Variants in PAX7 observed in about 807,000 individuals in gnomAD.
PAX7 encodes the protein paired box protein Pax-7.
In PAX7, 18 loss-of-function variants were observed where a neutral mutation model predicts 50.7. That is an observed-to-expected ratio of 0.36 (90% confidence interval 0.25 to 0.53). The LOEUF is 0.53. Ranked by LOEUF, PAX7 falls within the 20% of genes least tolerant of loss-of-function variation. The probability of loss-of-function intolerance (pLI) is 0.93; values close to 1 mark genes in which losing one functional copy is unlikely to be tolerated. For missense variants in PAX7, 644 were observed against 702.9 expected, an observed-to-expected ratio of 0.92 and a Z score of 0.95; for synonymous variants, 310 against 290.4, an observed-to-expected ratio of 1.07 and a Z score of -0.69.
chr1:18,732,613 G>T (rs1334458523), intron 7 of PAX7, among the ~76,000 whole-genome samples: 1 of 152,240 alleles, frequency 6.6e-6, no homozygotes, highest in African/African-American at 2.4e-5. Context: ...AGGGTAGAAA[G>T]GGGTGAAAGG....
chr1:18,635,912 C>T (rs1356171872), intron 3 of PAX7, among the ~76,000 whole-genome samples: 1 of 151,850 alleles, frequency 6.6e-6, no homozygotes, highest in African/African-American at 2.4e-5. Context: ...GGAGAGACTC[C>T]AGAGAGGCCC....
chr1:18,681,939 T>C (rs985413001), intron 4 of PAX7, among the ~76,000 whole-genome samples: 1 of 152,030 alleles, frequency 6.6e-6, no homozygotes, highest in Non-Finnish European at 1.5e-5. Flanking sequence ...GGTTTCACCA[T>C]GTTGGTCAGG....
intron 4 of PAX7, among the ~76,000 whole-genome samples, chr1:18,661,885 G>A (rs962352568): frequency 3.3e-5 from 5 of 152,224 alleles, no homozygotes; most frequent in East Asian, 1.9e-4. Flanking sequence ...GAAGTTAAGC[G>A]GCTGCCTGTT....
intron 4 of PAX7, among the ~76,000 whole-genome samples, chr1:18,667,063 A>G (rs1283843835): frequency 6.6e-6 from 1 of 152,104 alleles, no homozygotes; most frequent in Non-Finnish European, 1.5e-5. Flanking sequence ...AAGTTTGGAC[A>G]GTTCTTCGTT....
chr1:18,703,370 G>C (rs758958655), intron 7 of PAX7, 74 bp downstream of exon 7: 62 of 1,346,982 alleles, frequency 4.6e-5, no homozygotes, highest in Non-Finnish European at 5.9e-5. Flanking sequence ...CACGTGGGTG[G>C]AAGCCTTGCG....
Position 18,735,996 on chromosome 1 carries a change from A to C in PAX7, c.1402+118A>C. ...TCAGGGTGGGGAATGTCCATTTCAC[A>C]GATGGAAAAATTGAAGTCCAGCCAG... On this transcript the variant is annotated intron_variant, in intron 8 of 8. Coordinates refer to ENST00000420770, the MANE Select transcript of PAX7 (RefSeq NM_001135254.2). This position sits in a 1 kb window ranked among gnomAD's most constrained non-coding sequence, Gnocchi z 4.0. 2 of 1,610,044 alleles carry C rather than the reference A, an allele frequency of 1.2e-6. No homozygotes were observed. The highest frequency in any genetic ancestry group is 1.7e-6 in the Non-Finnish European group (2 of 1,177,458).
In PAX7 at chr1:18,631,106, G is replaced by A. The variant is rs1002378698; in HGVS notation, c.-498G>A. The stretch of plus-strand genomic sequence containing the variant: ...AGAGAATAAATATATAAATAAATAC[G>A]AGAACGAAATCCACTCCGCAGTCTC... On this transcript the variant is annotated 5_prime_UTR_variant, in exon 1 of 9. Coordinates refer to ENST00000420770, the MANE Select transcript of PAX7 (RefSeq NM_001135254.2). 4.4e-6 allele frequency: 1 copy of A among 228,776 alleles called. No homozygotes were observed. The allele number at this position is 228,776 out of a possible 1,614,324, so 14.2% of individuals were successfully genotyped here. A position where few individuals can be genotyped will look rare whatever the true frequency, so the allele number is the denominator to read the frequency against.
intron 4 of PAX7, among the ~76,000 whole-genome samples, chr1:18,680,044 A>G (rs1010125178): frequency 6.6e-6 from 1 of 151,926 alleles, no homozygotes; most frequent in Non-Finnish European, 1.5e-5. Flanking sequence ...GTGCATGACA[A>G]CTCTGTGGGG....
At chr1:18,736,128 C>T (rs2100407502) in intron 8 of PAX7, 1 of 653,300 alleles carries the variant, frequency 1.5e-6, no homozygotes, top group Non-Finnish European at 2.7e-6. Context: ...AAATACACAA[C>T]ACAAATATCA....
chr1:18,695,966 C>T (rs1014416847), intron 5 of PAX7, among the ~76,000 whole-genome samples: 5 of 151,796 alleles, frequency 3.3e-5, no homozygotes, highest in Admixed American at 2.6e-4. Flanking sequence ...ATGTTCTGAA[C>T]GGAAATCCCA....
At chr1:18,650,311 G>A (rs1261449455) in intron 4 of PAX7, among the ~76,000 whole-genome samples, 1 of 152,240 alleles carries the variant, frequency 6.6e-6, no homozygotes, top group Non-Finnish European at 1.5e-5. Flanking sequence ...TGGAAAAAGG[G>A]CAGGGCTGGT....
chr1:18,637,366 C>T (rs886540557), intron 4 of PAX7, among the ~76,000 whole-genome samples: 3 of 147,514 alleles, frequency 2.0e-5, no homozygotes, highest in African/African-American at 7.7e-5. Flanking sequence ...ATGGAAGACC[C>T]AGAGTCACAA....
intron 7 of PAX7, among the ~76,000 whole-genome samples, chr1:18,725,755 C>G (rs1240777701): frequency 6.6e-6 from 1 of 152,182 alleles, no homozygotes; most frequent in Non-Finnish European, 1.5e-5. Flanking sequence ...CACCATTTAT[C>G]GAGCCATCAG....
chr1:18,718,111 C>T (rs1370166255), intron 7 of PAX7, among the ~76,000 whole-genome samples: 1 of 152,206 alleles, frequency 6.6e-6, no homozygotes, highest in Non-Finnish European at 1.5e-5. Flanking sequence ...CCACCTGAAC[C>T]TCCATGGGGG....
chr1:18,731,894 G>A (rs766227646), intron 7 of PAX7, among the ~76,000 whole-genome samples: 2 of 152,148 alleles, frequency 1.3e-5, no homozygotes, highest in African/African-American at 2.4e-5. Context: ...TGAGCCACCG[G>A]GCACCACCCA....
chr1:18,733,882 G>T (rs962928954), intron 7 of PAX7, among the ~76,000 whole-genome samples: 2 of 152,142 alleles, frequency 1.3e-5, no homozygotes, highest in African/African-American at 4.8e-5. Flanking sequence ...GGGAAGCCAC[G>T]GCCCCTTTGC....
rs35982827 is a variant in PAX7 at position 18,726,145 on chromosome 1, AGTGTGTGTGTGTGT to A, written c.1156-9466_1156-9453del. ...ATAAAACAGACATTGGAAGAGTGTG[AGTGTGTGTGTGTGT>A]GTGTGTGTGTGTGTGTGTGTCTTTG... On this transcript the variant is annotated intron_variant, in intron 7 of 8. Transcript: ENST00000420770. This position sits in a 1 kb window ranked among gnomAD's most constrained non-coding sequence, Gnocchi z 4.8. Among the ~76,000 whole-genome samples, 5 of 137,498 alleles carry A rather than the reference AGTGTGTGTGTGTGT, an allele frequency of 3.6e-5. No homozygotes were observed. Among genetic ancestry groups the A allele is most frequent in the African/African-American group, 1.1e-4 (4 of 36,582 alleles). The allele number at this position is 137,498 out of a possible 152,430, so 90.2% of individuals were successfully genotyped here.
chr1:18,631,770 C>G lies in PAX7; in HGVS notation c.85+82C>G, dbSNP rs1570094579. ...TGGAGAGGCTGCGGTCTCCAGGGGA[C>G]GGTGGCGGCGCCGGCGATAGCAGAG... On this transcript the variant is annotated intron_variant, in intron 1 of 8. Coordinates refer to ENST00000420770, the MANE Select transcript of PAX7 (RefSeq NM_001135254.2). The G allele has an allele frequency of 1.8e-5, 21 of 1,149,554 alleles. No homozygotes were observed. In the East Asian group the frequency reaches 5.2e-4, roughly 29 times the overall value. 71.2% of individuals were successfully genotyped at this position (1,149,554 alleles called of 1,614,324 possible).
chr1:18,697,307 G>A (rs909224237), intron 5 of PAX7, among the ~76,000 whole-genome samples: 2 of 152,134 alleles, frequency 1.3e-5, no homozygotes, highest in African/African-American at 4.8e-5. Flanking sequence ...AGGGTGCTGG[G>A]GCTGTCACTG....
Sources: allele counts gnomAD v4.1 joint callset (sites outside exome capture counted in the v4.1 genomes callset), GRCh38; gene constraint gnomAD v4.1.1; non-coding constraint Gnocchi (gnomAD v3.1); transcripts MANE v1.5; gene names NCBI Gene and HGNC (gene_info 2026-07-23, HGNC 2026-07-21).